The following MGAT4A variants were observed in gnomAD, a reference collection of about 807,000 sequenced individuals.
MGAT4A encodes the protein alpha-1,3-mannosyl-glycoprotein 4-beta-N-acetylglucosaminyltransferase A, also known as N-acetylglucosaminyltransferase IVa.
A neutral mutation model predicts 74.1 loss-of-function variants in MGAT4A; 33 were observed. The observed-to-expected ratio is 0.45, with a 90% confidence interval of 0.34 to 0.60. The LOEUF (loss-of-function observed/expected upper bound fraction) is 0.60, where lower values mean the gene tolerates loss of function less well. Among genes scored for constraint, MGAT4A ranks in the 20% least tolerant of loss-of-function variants. The pLI is 0.02. For synonymous variants in MGAT4A, 198 were observed against 210.4 expected (o/e 0.94, Z 0.51); for missense variants, 479 against 628.3 (o/e 0.76, Z 2.54).
rs1391787958 is a variant in MGAT4A, at chr2:98,624,715, TATA to T, written c.*848_*850del. 1 of 983,012 alleles carries T rather than the reference TATA, an allele frequency of 1.0e-6. No homozygotes were observed. Among genetic ancestry groups the T allele is most frequent in the East Asian group, 1.1e-4 (1 of 8,808 alleles). 60.9% of individuals were successfully genotyped at this position (983,012 alleles called of 1,614,324 possible). A position where few individuals can be genotyped will look rare whatever the true frequency, so the allele number is the denominator to read the frequency against. Reference sequence around the variant, plus strand: ...TTGTCATTTTACATATCAGAGGAAATATAATAAGTTAAGTCTACAATAATCTGG... The same window carrying T: ...TTGTCATTTTACATATCAGAGGAAATATAAGTTAAGTCTACAATAATCTGG... On this transcript the variant is annotated 3_prime_UTR_variant, in exon 16 of 16. Transcript: ENST00000393487.
At chr2:98,716,127 T>A (rs1702588383) in intron 2 of MGAT4A, among the ~76,000 whole-genome samples, 1 of 152,114 alleles carries the variant, frequency 6.6e-6, no homozygotes, top group Non-Finnish European at 1.5e-5. Context: ...GAGACCAGCC[T>A]GGACAACACA....
In MGAT4A at chr2:98,623,597, G is replaced by A; in HGVS notation, c.*1969C>T. ...TGAGAAGAAAAAAATTCAAGAAAGT[G>A]AAAAGTAAATTTAAAACATCCTAAT... On this transcript the variant is annotated 3_prime_UTR_variant, in exon 16 of 16. Coordinates refer to ENST00000393487, the MANE Select transcript of MGAT4A (RefSeq NM_012214.3). 1 of 985,216 alleles carries A rather than the reference G, an allele frequency of 1.0e-6. No individual in the cohort carries two copies. The highest frequency in any genetic ancestry group is 1.2e-6 in the Non-Finnish European group (1 of 829,788). The allele number at this position is 985,216 out of a possible 1,614,324, so 61.0% of individuals were successfully genotyped here. A position where few individuals can be genotyped will look rare whatever the true frequency, so the allele number is the denominator to read the frequency against.
chr2:98,673,781 T>C (rs1411226614), intron 4 of MGAT4A, among the ~76,000 whole-genome samples: 1 of 152,140 alleles, frequency 6.6e-6, no homozygotes, highest in African/African-American at 2.4e-5. Flanking sequence ...GAAGAAATAG[T>C]GTAAACAAAC....
Position 98,621,644 on chromosome 2 carries a change from G to A in MGAT4A, c.*3922C>T. 6.8e-7 allele frequency: 1 copy of A among 1,460,748 alleles called. No individual in the cohort carries two copies. The highest frequency in any genetic ancestry group is 9.1e-7 in the Non-Finnish European group (1 of 1,104,476). The allele number at this position is 1,460,748 out of a possible 1,614,324, so 90.5% of individuals were successfully genotyped here. On this transcript the variant is annotated 3_prime_UTR_variant, in exon 16 of 16. Transcript: ENST00000393487. ...ATATTATACAAGGTCATTGGTGGGGGTGTCAGTAGGGGTCATTCTTAGAAA... is the reference window on the plus strand; with the variant it reads ...ATATTATACAAGGTCATTGGTGGGGATGTCAGTAGGGGTCATTCTTAGAAA...
intron 4 of MGAT4A, among the ~76,000 whole-genome samples, chr2:98,670,134 T>G (rs1004705265): frequency 6.6e-6 from 1 of 152,122 alleles, no homozygotes; most frequent in Non-Finnish European, 1.5e-5. Flanking sequence ...TGAGTTAGAG[T>G]TAAGAAGAAA....
chr2:98,637,493 C>T (rs1012712670), intron 12 of MGAT4A, among the ~76,000 whole-genome samples: 2 of 152,042 alleles, frequency 1.3e-5, no homozygotes, highest in African/African-American at 2.4e-5. Flanking sequence ...TATATGGTGA[C>T]AGATCTAAAA....
At chr2:98,627,639 G>A (rs1701166251) in intron 14 of MGAT4A, among the ~76,000 whole-genome samples, 1 of 152,202 alleles carries the variant, frequency 6.6e-6, no homozygotes, top group South Asian at 2.1e-4. Flanking sequence ...GCCTCCCAAA[G>A]TGCTGGGCTC....
intron 12 of MGAT4A, among the ~76,000 whole-genome samples, chr2:98,637,205 G>C (rs1202532197): frequency 6.6e-6 from 1 of 152,072 alleles, no homozygotes; most frequent in East Asian, 1.9e-4. Context: ...CAGCTACTCA[G>C]GAAGCTAAGG....
At chr2:98,663,468 A>G (rs1163595858) in intron 4 of MGAT4A, 3 of 1,445,628 alleles carry the variant, frequency 2.1e-6, no homozygotes, top group Non-Finnish European at 2.7e-6. Flanking sequence ...ACTGTATTTT[A>G]CAACTAAAAC....
intron 2 of MGAT4A, among the ~76,000 whole-genome samples, chr2:98,701,012 G>A (rs1418398214): frequency 6.6e-6 from 1 of 151,760 alleles, no homozygotes. Flanking sequence ...CTTTAATTCA[G>A]CTGAATAGAA....
At chr2:98,674,590 G>A (rs1339702020) in intron 4 of MGAT4A, among the ~76,000 whole-genome samples, 2 of 152,138 alleles carry the variant, frequency 1.3e-5, no homozygotes, top group African/African-American at 4.8e-5. Flanking sequence ...GAAAAAAGAA[G>A]CAAATCAAAG....
intron 2 of MGAT4A, among the ~76,000 whole-genome samples, chr2:98,722,757 A>G (rs887802715): frequency 6.7e-6 from 1 of 150,048 alleles, no homozygotes; most frequent in Non-Finnish European, 1.5e-5. Context: ...GGAATCAATC[A>G]TGTATCTAAC....
chr2:98,637,521 T>C (rs1701340696), intron 12 of MGAT4A, among the ~76,000 whole-genome samples: 1 of 152,160 alleles, frequency 6.6e-6, no homozygotes, highest in South Asian at 2.1e-4. Flanking sequence ...TGGGTGTGAG[T>C]ATAATACTCT....
intron 2 of MGAT4A, among the ~76,000 whole-genome samples, chr2:98,681,640 C>A (rs1702061322): frequency 6.6e-6 from 1 of 152,088 alleles, no homozygotes; most frequent in Non-Finnish European, 1.5e-5. Context: ...TTCTCAACAC[C>A]ATTTGCCACT....
intron 2 of MGAT4A, among the ~76,000 whole-genome samples, chr2:98,721,289 G>A (rs1034635559): frequency 1.8e-4 from 27 of 152,096 alleles, no homozygotes; most frequent in African/African-American, 6.0e-4. Context: ...AAACACTAAG[G>A]GAAATTCTTC....
chr2:98,664,786 G>A (rs867463595), intron 4 of MGAT4A, among the ~76,000 whole-genome samples: 1 of 152,120 alleles, frequency 6.6e-6, no homozygotes, highest in African/African-American at 2.4e-5. Context: ...AACTGACAAA[G>A]TGTTTGAGTG....
intron 4 of MGAT4A, among the ~76,000 whole-genome samples, chr2:98,673,124 T>C (rs1701933505): frequency 6.6e-6 from 1 of 152,030 alleles, no homozygotes; most frequent in Non-Finnish European, 1.5e-5. Flanking sequence ...CGCCGACAGT[T>C]TTCTGTTCTG....
At chr2:98,685,012 G>C (rs1702109245) in intron 2 of MGAT4A, among the ~76,000 whole-genome samples, 1 of 152,160 alleles carries the variant, frequency 6.6e-6, no homozygotes, top group Non-Finnish European at 1.5e-5. Context: ...CAGGGCAGGA[G>C]GATTGCTTGA....
intron 2 of MGAT4A, among the ~76,000 whole-genome samples, chr2:98,696,992 A>G (rs1702283589): frequency 6.6e-6 from 1 of 152,168 alleles, no homozygotes; most frequent in African/African-American, 2.4e-5. Context: ...ATTGGACTGC[A>G]TTTCTTAGAG....
Sources: gnomAD v4.1 joint callset for allele counts (sites outside exome capture counted in the v4.1 genomes callset) on GRCh38, gnomAD v4.1.1 for gene constraint, MANE v1.5 for transcripts, NCBI Gene and HGNC (gene_info 2026-07-23, HGNC 2026-07-21) for gene names.